ZNF704: variants seen among roughly 807,000 people sequenced by gnomAD.
The protein encoded by ZNF704 is zinc finger protein 704, also known as glucocorticoid induced gene 1.
In ZNF704, 10 loss-of-function variants were observed where a neutral mutation model predicts 44.7. The observed-to-expected ratio is 0.22, with a 90% confidence interval of 0.14 to 0.38. The LOEUF (loss-of-function observed/expected upper bound fraction) is 0.38, where lower values mean the gene tolerates loss of function less well. Ranked by LOEUF, ZNF704 falls within the 10% of genes least tolerant of loss-of-function variation. The pLI is 1.00. For missense variants in ZNF704, 390 were observed against 545.5 expected, an observed-to-expected ratio of 0.71 and a Z score of 2.84; for synonymous variants, 211 against 207.6, an observed-to-expected ratio of 1.02 and a Z score of -0.14.
intron 2 of ZNF704, among the ~76,000 whole-genome samples, chr8:80,734,312 A>G (rs1050859488): frequency 6.6e-6 from 1 of 152,238 alleles, no homozygotes; most frequent in African/African-American, 2.4e-5. Context: ...GGACCCTGGG[A>G]ATATTTCCAC....
At chr8:80,762,906 G>T (rs1462278775) in intron 2 of ZNF704, among the ~76,000 whole-genome samples, 1 of 152,140 alleles carries the variant, frequency 6.6e-6, no homozygotes, top group African/African-American at 2.4e-5. Context: ...CAAAACACAG[G>T]GGCTATAGGC....
intron 2 of ZNF704, among the ~76,000 whole-genome samples, chr8:80,778,650 T>C (rs151139675): frequency 2.0e-5 from 3 of 152,288 alleles, no homozygotes; most frequent in East Asian, 1.9e-4. Flanking sequence ...ATGTGGTACA[T>C]ACCCATCACG....
chr8:80,844,836 T>TA (rs1198085437), intron 1 of ZNF704, among the ~76,000 whole-genome samples: 1 of 151,254 alleles, frequency 6.6e-6, no homozygotes, highest in Admixed American at 6.6e-5. Flanking sequence ...TCTTTTTATT[T>TA]ATTTATTTAT....
chr8:80,668,292 C>A (rs1254460447), intron 5 of ZNF704, among the ~76,000 whole-genome samples: 1 of 152,202 alleles, frequency 6.6e-6, no homozygotes, highest in Non-Finnish European at 1.5e-5. Flanking sequence ...CACTAATGAG[C>A]CCTGCATAGA....
chr8:80,794,644 T>C (rs1172536321), intron 2 of ZNF704, among the ~76,000 whole-genome samples: 1 of 152,172 alleles, frequency 6.6e-6, no homozygotes, highest in African/African-American at 2.4e-5. Context: ...ATGAAGGAGA[T>C]CAAACAGTAA....
At chr8:80,799,331 T>C (rs1807860668) in intron 2 of ZNF704, among the ~76,000 whole-genome samples, 1 of 152,238 alleles carries the variant, frequency 6.6e-6, no homozygotes, top group African/African-American at 2.4e-5. Flanking sequence ...ATAATTGAAT[T>C]GAATTTCTCT....
chr8:80,716,123 C>G lies in ZNF704; in HGVS notation c.222-23016G>C, dbSNP rs534401326. On this transcript the variant is annotated intron_variant, in intron 2 of 8. Transcript: ENST00000327835. ...TTATTGAGTCTGATTTAGAGATGAA[C>G]AGATGGATCCCTCCTGACTCCTGTT... Among the ~76,000 whole-genome samples the G allele has an allele frequency of 3.3e-5, 5 of 151,714 alleles. No individual in the cohort carries two copies. In the South Asian group the frequency reaches 1.0e-3, roughly 32 times the overall value.
rs1175491713 is a variant in ZNF704, at chr8:80,630,831, C to T, written c.*10535G>A. On this transcript the variant is annotated 3_prime_UTR_variant, in exon 9 of 9. Transcript: ENST00000327835. Reference sequence around the variant, plus strand: ...CTGATCACTGTCCAACCATTAATTACAAAAATAGGAATTTTAGGGTGTGTT... The same window carrying T: ...CTGATCACTGTCCAACCATTAATTATAAAAATAGGAATTTTAGGGTGTGTT... The T allele has an allele frequency of 1.3e-5, 2 of 152,006 alleles. No individual in the cohort carries two copies. Among genetic ancestry groups the T allele is most frequent in the Non-Finnish European group, 2.9e-5 (2 of 68,012 alleles). The allele number at this position is 152,006 out of a possible 1,614,324, so 9.4% of individuals were successfully genotyped here. A position where few individuals can be genotyped will look rare whatever the true frequency, so the allele number is the denominator to read the frequency against.
chr8:80,644,964 C>T (rs959619706), intron 7 of ZNF704: 32 of 1,151,332 alleles, frequency 2.8e-5, no homozygotes, highest in South Asian at 1.1e-4. Context: ...TAGTGGGTGC[C>T]GGAACAGCAA....
chr8:80,695,357 T>A (rs1030052514), intron 2 of ZNF704, among the ~76,000 whole-genome samples: 2 of 152,178 alleles, frequency 1.3e-5, no homozygotes, highest in Non-Finnish European at 2.9e-5. Context: ...AAGACTGAAT[T>A]AGGAGGGCTG....
At chr8:80,779,095 T>C (rs1289463584) in intron 2 of ZNF704, among the ~76,000 whole-genome samples, 1 of 150,314 alleles carries the variant, frequency 6.7e-6, no homozygotes, top group East Asian at 2.0e-4. Context: ...TCCCTCCCCC[T>C]CTTCCTTCCT....
intron 2 of ZNF704, among the ~76,000 whole-genome samples, chr8:80,742,588 T>C (rs1806778963): frequency 6.6e-6 from 1 of 152,190 alleles, no homozygotes; most frequent in South Asian, 2.1e-4. Context: ...CCTGTATCTT[T>C]AACCTCCTTG....
intron 1 of ZNF704, among the ~76,000 whole-genome samples, chr8:80,840,626 T>C (rs1341900736): frequency 6.6e-6 from 1 of 152,186 alleles, no homozygotes; most frequent in Non-Finnish European, 1.5e-5. Context: ...TCCTCTGCTC[T>C]ATTCCCCGTC....
At chr8:80,804,412 G>A (rs541710887) in intron 2 of ZNF704, among the ~76,000 whole-genome samples, 21 of 152,272 alleles carry the variant, frequency 1.4e-4, no homozygotes, top group East Asian at 3.9e-4. Flanking sequence ...TAGCAAAGAC[G>A]TGAAATCAAC....
intron 1 of ZNF704, among the ~76,000 whole-genome samples, chr8:80,837,285 A>G (rs1808599289): frequency 6.6e-6 from 1 of 152,220 alleles, no homozygotes; most frequent in Non-Finnish European, 1.5e-5. Context: ...CAAAGTATTC[A>G]ACTTTAGTGC....
intron 2 of ZNF704, among the ~76,000 whole-genome samples, chr8:80,739,151 A>G (rs935200825): frequency 9.2e-5 from 14 of 152,210 alleles, no homozygotes; most frequent in African/African-American, 3.4e-4. Flanking sequence ...CATATCAAAG[A>G]TTACACATCA....
chr8:80,691,081 T>C (rs1031890896), intron 3 of ZNF704, among the ~76,000 whole-genome samples: 9 of 152,172 alleles, frequency 5.9e-5, no homozygotes, highest in Non-Finnish European at 8.8e-5. Flanking sequence ...GCAATACTGA[T>C]TCATGACATT....
chr8:80,712,802 A>T (rs1292011679), intron 2 of ZNF704, among the ~76,000 whole-genome samples: 1 of 152,142 alleles, frequency 6.6e-6, no homozygotes, highest in Non-Finnish European at 1.5e-5. Flanking sequence ...TGTGTCAAAA[A>T]ACAGAAAAAA....
intron 1 of ZNF704, among the ~76,000 whole-genome samples, chr8:80,835,810 T>C (rs1032623778): frequency 3.9e-5 from 6 of 152,232 alleles, no homozygotes; most frequent in African/African-American, 1.2e-4. Context: ...ATCACATTAG[T>C]TACTTAGATA....
Sources: gnomAD v4.1 joint callset for allele counts (sites outside exome capture counted in the v4.1 genomes callset) on GRCh38, gnomAD v4.1.1 for gene constraint, MANE v1.5 for transcripts, NCBI Gene and HGNC (gene_info 2026-07-23, HGNC 2026-07-21) for gene names.